Variants in CTNNA3 observed in about 807,000 individuals in gnomAD.
CTNNA3 encodes the protein catenin alpha 3.
A neutral mutation model predicts 95.7 loss-of-function variants in CTNNA3; 76 were observed. The ratio of observed to expected loss-of-function variants is 0.79; its 90% CI spans 0.66 to 0.96. The LOEUF (loss-of-function observed/expected upper bound fraction) is 0.96, where lower values mean the gene tolerates loss of function less well. CTNNA3 is among the 40% of genes least tolerant of loss of function. CTNNA3 has a pLI of 0.00. For missense variants in CTNNA3, 1,191 were observed against 1,089.8 expected (o/e 1.09, Z -1.31); for synonymous variants, 431 against 374.4 (o/e 1.15, Z -1.74).
chr10:66,361,324 T>G (rs1055535647), intron 12 of CTNNA3, among the ~76,000 whole-genome samples: 1 of 40,056 alleles, frequency 2.5e-5, no homozygotes, highest in Non-Finnish European at 4.8e-5. Flanking sequence ...GCCCCTCCCC[T>G]TCCTCCCTCC....
chr10:66,434,139 T>C lies in CTNNA3; in HGVS notation c.1532-54787A>G, dbSNP rs530826324. On this transcript the variant is annotated intron_variant, in intron 11 of 17. Coordinates refer to ENST00000433211, the MANE Select transcript of CTNNA3 (RefSeq NM_013266.4). ...TTGGCTATATGGGCTCTTTTTTGGTTCCATATGAACTTTAAAGTAGTTTTT... is the reference window on the plus strand; with the variant it reads ...TTGGCTATATGGGCTCTTTTTTGGTCCCATATGAACTTTAAAGTAGTTTTT... 2.0e-5 allele frequency among the ~76,000 whole-genome samples: 3 copies of C among 147,098 alleles called. No individual in the cohort carries two copies. The South Asian group carries it at 6.7e-4, about 33-fold the overall frequency.
intron 7 of CTNNA3, among the ~76,000 whole-genome samples, chr10:67,133,684 A>G (rs1213046341): frequency 6.6e-6 from 1 of 152,058 alleles, no homozygotes; most frequent in Non-Finnish European, 1.5e-5. Context: ...AGATCAACTC[A>G]AAGAATAAGA....
chr10:67,234,508 T>C (rs1375568401), intron 5 of CTNNA3, among the ~76,000 whole-genome samples: 3 of 152,206 alleles, frequency 2.0e-5, no homozygotes, highest in Non-Finnish European at 4.4e-5. Context: ...TGATGGGGCG[T>C]ATTTCAAAAT....
intron 9 of CTNNA3, among the ~76,000 whole-genome samples, chr10:66,637,717 C>G (rs1052532328): frequency 3.3e-5 from 5 of 152,198 alleles, no homozygotes; most frequent in African/African-American, 9.7e-5. Context: ...AGCACCTCCC[C>G]CTTGGGACAC....
chr10:65,947,483 CT>C (rs1303564561), intron 17 of CTNNA3, among the ~76,000 whole-genome samples: 2 of 152,138 alleles, frequency 1.3e-5, no homozygotes, highest in Non-Finnish European at 2.9e-5. Flanking sequence ...ATGCTGGACA[CT>C]AGGCTAAGCA....
intron 7 of CTNNA3, among the ~76,000 whole-genome samples, chr10:66,784,771 G>A (rs1840674895): frequency 6.6e-6 from 1 of 152,114 alleles, no homozygotes. Flanking sequence ...CAAAACATGT[G>A]GAGATTAGGG....
chr10:67,641,193 A>G (rs1422886798), intron 2 of CTNNA3, among the ~76,000 whole-genome samples: 3 of 152,156 alleles, frequency 2.0e-5, no homozygotes, highest in African/African-American at 4.8e-5. Flanking sequence ...AAAAGTGGGC[A>G]AAGGATATGA....
intron 15 of CTNNA3, among the ~76,000 whole-genome samples, chr10:66,044,527 C>T (rs898070237): frequency 1.1e-4 from 16 of 151,466 alleles, no homozygotes; most frequent in African/African-American, 3.6e-4. Context: ...TGCCTTTTGG[C>T]TCTCTTCTAA....
At chr10:66,492,378 G>A (rs1423523251) in intron 11 of CTNNA3, among the ~76,000 whole-genome samples, 1 of 151,978 alleles carries the variant, frequency 6.6e-6, no homozygotes, top group African/African-American at 2.4e-5. Flanking sequence ...TCAACTCCTG[G>A]GCTCAAGCAA....
rs561613340 is a variant in CTNNA3, at chr10:67,204,107, G to A, written c.843+15500C>T. ...GCTTTTATTAGAAGGAAGTGATAAAGCAAATCTCTTAGACCTAAAAGTATT... is the reference window on the plus strand; with the variant it reads ...GCTTTTATTAGAAGGAAGTGATAAAACAAATCTCTTAGACCTAAAAGTATT... On this transcript the variant is annotated intron_variant, in intron 6 of 17. Transcript: ENST00000433211. Among the ~76,000 whole-genome samples the A allele has an allele frequency of 1.7e-4, 26 of 152,012 alleles. 1 individual carries two copies. The South Asian group carries it at 5.0e-3, about 29-fold the overall frequency.
intron 9 of CTNNA3, among the ~76,000 whole-genome samples, chr10:66,663,470 CAAA>C (rs141528493): frequency 0.038 from 5,179 of 137,376 alleles, 273 homozygotes; most frequent in African/African-American, 0.12. Flanking sequence ...TTGCCTTTTA[CAAA>C]AAAAAAAAAA....
At chr10:66,051,899 C>G (rs2079967199) in intron 15 of CTNNA3, among the ~76,000 whole-genome samples, 1 of 152,110 alleles carries the variant, frequency 6.6e-6, no homozygotes, top group South Asian at 2.1e-4. Flanking sequence ...GAAGTTATTT[C>G]TTCTAAAACA....
At chr10:66,728,368 C>A (rs1848843830) in intron 9 of CTNNA3, among the ~76,000 whole-genome samples, 1 of 152,132 alleles carries the variant, frequency 6.6e-6, no homozygotes, top group Admixed American at 6.6e-5. Flanking sequence ...AACTTTCTCC[C>A]ATTCTATAGG....
intron 9 of CTNNA3, among the ~76,000 whole-genome samples, chr10:66,752,966 T>C (rs1319028176): frequency 6.6e-6 from 1 of 152,194 alleles, no homozygotes; most frequent in East Asian, 1.9e-4. Context: ...GTCTAGCTGA[T>C]GTATTACTTT....
intron 13 of CTNNA3, among the ~76,000 whole-genome samples, chr10:66,262,729 T>A (rs1483254158): frequency 6.6e-6 from 1 of 152,050 alleles, no homozygotes; most frequent in East Asian, 1.9e-4. Flanking sequence ...GAGGCTAAAA[T>A]TTGTACTATA....
At chr10:66,130,613 G>A (rs1358870847) in intron 13 of CTNNA3, among the ~76,000 whole-genome samples, 2 of 152,032 alleles carry the variant, frequency 1.3e-5, no homozygotes, top group African/African-American at 4.8e-5. Context: ...AGGAAGCTAA[G>A]GCAGGAGGAT....
In CTNNA3 at chr10:67,047,005, G is replaced by A. The variant is rs559509738; in HGVS notation, c.1047+133312C>T. Among the ~76,000 whole-genome samples the A allele has an allele frequency of 4.6e-5, 7 of 152,260 alleles. No homozygotes were observed. The East Asian group carries it at 5.8e-4, about 13-fold the overall frequency. On this transcript the variant is annotated intron_variant, in intron 7 of 17. Coordinates refer to ENST00000433211, the MANE Select transcript of CTNNA3 (RefSeq NM_013266.4). ...GTAGAAAAGAAATAGTCTAATGTTTGCAATATGTTTGGAACATATATTCAG... is the reference window on the plus strand; with the variant it reads ...GTAGAAAAGAAATAGTCTAATGTTTACAATATGTTTGGAACATATATTCAG...
intron 7 of CTNNA3, among the ~76,000 whole-genome samples, chr10:66,793,568 G>C (rs1428324303): frequency 6.6e-6 from 1 of 151,714 alleles, no homozygotes; most frequent in Non-Finnish European, 1.5e-5. Context: ...CTATTCCTCT[G>C]TATAGGTATT....
intron 7 of CTNNA3, among the ~76,000 whole-genome samples, chr10:67,132,024 T>C (rs187448958): frequency 3.5e-4 from 53 of 152,152 alleles, no homozygotes; most frequent in African/African-American, 1.2e-3. Context: ...GAAAATAGGA[T>C]GGTATTTGCA....
Sources: gnomAD v4.1 joint callset for allele counts (sites outside exome capture counted in the v4.1 genomes callset) on GRCh38, gnomAD v4.1.1 for gene constraint, MANE v1.5 for transcripts, NCBI Gene and HGNC (gene_info 2026-07-23, HGNC 2026-07-21) for gene names.